NRG1: variants seen among roughly 807,000 people sequenced by gnomAD.
NRG1 encodes the protein pro-neuregulin-1, membrane-bound isoform.
Under a neutral mutation model 63.8 loss-of-function variants are expected in NRG1, and 18 were observed. The observed-to-expected ratio is 0.28, with a 90% CI of 0.19 to 0.42. The LOEUF is 0.42. NRG1 is among the 10% of genes least tolerant of loss of function. The probability of loss-of-function intolerance (pLI) is 1.00; values close to 1 mark genes in which losing one functional copy is unlikely to be tolerated. For missense variants in NRG1, 762 were observed against 814.7 expected, an observed-to-expected ratio of 0.94 and a Z score of 0.79; for synonymous variants, 302 against 301.3, an observed-to-expected ratio of 1.00 and a Z score of -0.02.
chr8:32,525,190 G>A (rs923534853), intron 1 of NRG1, among the ~76,000 whole-genome samples: 1 of 152,144 alleles, frequency 6.6e-6, no homozygotes, highest in Non-Finnish European at 1.5e-5. Context: ...GCCCCCATTT[G>A]AGCCAAAGCT....
At chr8:32,549,942 A>G (rs761744858) in intron 1 of NRG1, among the ~76,000 whole-genome samples, 1 of 152,188 alleles carries the variant, frequency 6.6e-6, no homozygotes. Context: ...TTCATGAAGC[A>G]CTTCTGCAGA....
At position 31,858,632 on chromosome 8, in the gene NRG1, G is replaced by A. The variant is rs554112416; in HGVS notation, c.37+219201G>A. 5.1e-4 allele frequency among the ~76,000 whole-genome samples: 77 copies of A among 152,218 alleles called. 1 individual carries two copies. The highest frequency in any genetic ancestry group is 1.6e-3 in the African/African-American group (67 of 41,532). On this transcript the variant is annotated intron_variant, in intron 1 of 10. Transcript: ENST00000519301. ...CACCAAAAAAATGTTCATGGTCACTGCTTGGTGGTCTGCTGCTGGTCTGAT... is the reference window on the plus strand; with the variant it reads ...CACCAAAAAAATGTTCATGGTCACTACTTGGTGGTCTGCTGCTGGTCTGAT...
At chr8:31,653,734 G>A (rs138809458) in intron 1 of NRG1, among the ~76,000 whole-genome samples, 147 of 152,264 alleles carry the variant, frequency 9.7e-4, no homozygotes, top group African/African-American at 3.4e-3. Context: ...CATTTTATGG[G>A]TGAGTTTTGC....
intron 1 of NRG1, among the ~76,000 whole-genome samples, chr8:32,420,274 G>A (rs1174024082): frequency 1.3e-5 from 2 of 152,150 alleles, no homozygotes; most frequent in African/African-American, 2.4e-5. Flanking sequence ...GGTTGTTTTT[G>A]TTGTTCTTCT....
Position 31,652,984 on chromosome 8 carries a change from CCTCTCCTCTCCTCTCCTCT to C in NRG1, c.37+13555_37+13573del, listed in dbSNP as rs1350261164. On this transcript the variant is annotated intron_variant, in intron 1 of 10. Transcript: ENST00000519301. ...CCTCTCCTCTCCTCTCCTCTCCTCT[CCTCTCCTCTCCTCTCCTCT>C]CCTCCCCTCCCCTCCCCTCCCCTTC... 3.7e-3 allele frequency among the ~76,000 whole-genome samples: 284 copies of C among 76,196 alleles called. 8 individuals are homozygous for C. Among genetic ancestry groups the C allele is most frequent in the South Asian group, 5.1e-3 (7 of 1,366 alleles). The allele number at this position is 76,196 out of a possible 152,430, so 50.0% of individuals were successfully genotyped here. A position where few individuals can be genotyped will look rare whatever the true frequency, so the allele number is the denominator to read the frequency against.
intron 1 of NRG1, among the ~76,000 whole-genome samples, chr8:32,097,973 TA>T (rs917936215): frequency 6.6e-6 from 1 of 152,182 alleles, no homozygotes; most frequent in African/African-American, 2.4e-5. Context: ...AATATAGGTT[TA>T]ATTAAAGCCA....
At chr8:32,638,215 A>C (rs1851684739) in intron 5 of NRG1, among the ~76,000 whole-genome samples, 2 of 152,238 alleles carry the variant, frequency 1.3e-5, no homozygotes, top group Non-Finnish European at 2.9e-5. Flanking sequence ...TGTATAAAAT[A>C]AAATTCATGT....
intron 1 of NRG1, among the ~76,000 whole-genome samples, chr8:32,315,995 C>T (rs369326807): frequency 2.8e-4 from 41 of 144,578 alleles, no homozygotes; most frequent in African/African-American, 8.4e-4. Flanking sequence ...GTCTTCCCAA[C>T]TGAAAGGAGA....
intron 1 of NRG1, among the ~76,000 whole-genome samples, chr8:32,137,780 T>G (rs1835739084): frequency 6.6e-6 from 1 of 152,180 alleles, no homozygotes; most frequent in African/African-American, 2.4e-5. Flanking sequence ...TTCAGGAAAT[T>G]GTTTTTCCTC....
intron 5 of NRG1, among the ~76,000 whole-genome samples, chr8:32,658,098 G>T (rs1250181089): frequency 6.6e-6 from 1 of 152,108 alleles, no homozygotes; most frequent in African/African-American, 2.4e-5. Context: ...GCATGAATAT[G>T]ATCCTTATAA....
intron 1 of NRG1, among the ~76,000 whole-genome samples, chr8:32,536,871 C>T (rs1251175250): frequency 8.3e-6 from 1 of 121,044 alleles, no homozygotes; most frequent in Admixed American, 1.2e-4. Context: ...TTGCAGTGAG[C>T]GGAGATGCGC....
chr8:32,743,990 A>C (rs1270757465), intron 7 of NRG1, among the ~76,000 whole-genome samples: 1 of 152,066 alleles, frequency 6.6e-6, no homozygotes, highest in Non-Finnish European at 1.5e-5. Context: ...TTATTTACAA[A>C]AGCAGACAGT....
chr8:32,061,840 A>G (rs924296375), intron 1 of NRG1: 8 of 152,034 alleles, frequency 5.3e-5, no homozygotes, highest in Admixed American at 4.6e-4. Flanking sequence ...TTAGGTGAGA[A>G]ACATGAACTG....
intron 1 of NRG1, among the ~76,000 whole-genome samples, chr8:32,218,327 C>A (rs1845460573): frequency 6.6e-6 from 1 of 152,212 alleles, no homozygotes; most frequent in East Asian, 1.9e-4. Flanking sequence ...ACCAACCCAA[C>A]TATTTTTGTA....
At chr8:32,403,862 A>G (rs1813570313) in intron 1 of NRG1, among the ~76,000 whole-genome samples, 1 of 152,206 alleles carries the variant, frequency 6.6e-6, no homozygotes, top group Non-Finnish European at 1.5e-5. Context: ...GTACAAAAAT[A>G]TGAACAGTAA....
chr8:32,606,408 T>A (rs1845291965), intron 3 of NRG1, among the ~76,000 whole-genome samples: 1 of 152,026 alleles, frequency 6.6e-6, no homozygotes, highest in Non-Finnish European at 1.5e-5. Context: ...TTCAGCTTTG[T>A]TCAGAATAGT....
chr8:32,107,743 A>C (rs1241169190), intron 1 of NRG1, among the ~76,000 whole-genome samples: 2 of 152,196 alleles, frequency 1.3e-5, no homozygotes, highest in African/African-American at 4.8e-5. Context: ...TTCTAGTAAA[A>C]GAGTAAATCT....
chr8:31,805,238 T>A (rs1449966073), intron 1 of NRG1, among the ~76,000 whole-genome samples: 1 of 152,026 alleles, frequency 6.6e-6, no homozygotes, highest in Non-Finnish European at 1.5e-5. Context: ...GTATATAAAA[T>A]TGAAATAAAT....
At chr8:31,953,791 T>G (rs1388187240) in intron 1 of NRG1, among the ~76,000 whole-genome samples, 1 of 152,188 alleles carries the variant, frequency 6.6e-6, no homozygotes, top group Non-Finnish European at 1.5e-5. Context: ...GCACGGGGGC[T>G]TTAACTTCAA....
Sources: gnomAD v4.1 joint callset for allele counts (sites outside exome capture counted in the v4.1 genomes callset) on GRCh38, gnomAD v4.1.1 for gene constraint, MANE v1.5 for transcripts, NCBI Gene and HGNC (gene_info 2026-07-23, HGNC 2026-07-21) for gene names.